VWA2: variants seen among roughly 807,000 people sequenced by gnomAD.
VWA2 encodes the protein von Willebrand factor A domain containing 2.
A neutral mutation model predicts 70.4 loss-of-function variants in VWA2; 73 were observed. The ratio of observed to expected loss-of-function variants is 1.04; its 90% CI spans 0.86 to 1.26. The LOEUF is 1.26. VWA2 is among the 50% of genes most tolerant of loss of function. The pLI, the probability that VWA2 is intolerant of heterozygous loss-of-function variation, is 0.00. For synonymous variants in VWA2, 407 were observed against 423.3 expected (o/e 0.96, Z 0.47); for missense variants, 1,011 against 998.5 (o/e 1.01, Z -0.17).
intron 5 of VWA2, among the ~76,000 whole-genome samples, chr10:114,264,759 G>T (rs1268528443): frequency 6.6e-6 from 1 of 151,154 alleles, no homozygotes; most frequent in Non-Finnish European, 1.5e-5. Flanking sequence ...TCATTCTGTC[G>T]CCCTGGCTGG....
At chr10:114,269,340 G>A (rs1380120649) in intron 5 of VWA2, among the ~76,000 whole-genome samples, 3 of 152,306 alleles carry the variant, frequency 2.0e-5, no homozygotes, top group Non-Finnish European at 2.9e-5. Context: ...CAGCGCTTTG[G>A]GAGGCCAGGG....
intron 9 of VWA2, among the ~76,000 whole-genome samples, chr10:114,283,411 G>A (rs1312296049): frequency 3.9e-5 from 6 of 152,030 alleles, no homozygotes; most frequent in East Asian, 3.9e-4. Context: ...GCAGGGTAGC[G>A]AGTGTCCCTA....
At chr10:114,246,505 C>CAAAAAAAAAAA (rs570510812) in intron 1 of VWA2, 29 of 384,944 alleles carry the variant, frequency 7.5e-5, no homozygotes, top group African/African-American at 1.9e-4. Context: ...AACTCCATCT[C>CAAAAAAAAAAA]AAAAAAAAAA....
chr10:114,291,296 A>G lies in VWA2; in HGVS notation c.*59A>G, dbSNP rs1204237732. 2 of 1,516,938 alleles carry G rather than the reference A, an allele frequency of 1.3e-6. No homozygotes were observed. Among genetic ancestry groups the G allele is most frequent in the Non-Finnish European group, 1.8e-6 (2 of 1,129,878 alleles). 94.0% of individuals were successfully genotyped at this position (1,516,938 alleles called of 1,614,324 possible). ...GTACCCCTCCCAGCAACTACAGAGA[A>G]GGCCTGGGCACTGAAATGGTGCCTA... is the stretch of plus-strand genomic sequence containing the variant. On this transcript the variant is annotated 3_prime_UTR_variant, in exon 14 of 14. Transcript: ENST00000392982.
At chr10:114,277,384 A>C (rs1475121708) in intron 6 of VWA2, among the ~76,000 whole-genome samples, 1 of 151,434 alleles carries the variant, frequency 6.6e-6, no homozygotes, top group African/African-American at 2.4e-5. Flanking sequence ...GGGTTTCATC[A>C]TGTTAGCTAG....
chr10:114,255,771 A>ATT (rs34578196), intron 4 of VWA2, among the ~76,000 whole-genome samples: 80 of 149,452 alleles, frequency 5.4e-4, no homozygotes, highest in African/African-American at 1.6e-3. Context: ...TAAAAGGGGC[A>ATT]TTTTTTTTTT....
intron 5 of VWA2, among the ~76,000 whole-genome samples, chr10:114,270,813 C>G (rs755172369): frequency 6.6e-6 from 1 of 152,192 alleles, no homozygotes; most frequent in East Asian, 1.9e-4. Context: ...TTCGGAGATT[C>G]ATCCATGTTG....
At position 114,289,236 on chromosome 10, in the gene VWA2, C is replaced by T. The variant is rs202219404; in HGVS notation, c.1869C>T (p.Thr623=). The T allele has an allele frequency of 9.7e-5, 157 of 1,613,950 alleles. No homozygotes were observed. The East Asian group carries it at 3.3e-3, about 33-fold the overall frequency. ...TGCACATCTATGACAAAGTGATGAC[C>T]GTCCAGAGGGGTGCCCGGCCTGGTG... ...ALLHIYDKVM[T]VQRGARPGVP... Residue 623 remains threonine (T), a synonymous_variant, in exon 12 of 14, where the codon ACC becomes ACT. Transcript: ENST00000392982.
chr10:114,251,420 A>G (rs1394902277), intron 2 of VWA2, among the ~76,000 whole-genome samples: 1 of 152,262 alleles, frequency 6.6e-6, no homozygotes, highest in Non-Finnish European at 1.5e-5. Context: ...GCTGAGTGAC[A>G]TCTTTAGTGA....
intron 2 of VWA2, 23 bp from the exon 3 acceptor site, chr10:114,253,628 G>A: frequency 6.2e-7 from 1 of 1,607,378 alleles, no homozygotes; most frequent in Non-Finnish European, 8.5e-7. Context: ...TTTAATGGCT[G>A]CTTCTGGTGT....
intron 9 of VWA2, among the ~76,000 whole-genome samples, chr10:114,283,749 G>A (rs1173535266): frequency 6.6e-6 from 1 of 152,244 alleles, no homozygotes; most frequent in African/African-American, 2.4e-5. Context: ...GCACATAATA[G>A]ATGCTCAGTT....
intron 1 of VWA2, chr10:114,246,709 C>G: frequency 1.3e-6 from 2 of 1,546,522 alleles, no homozygotes; most frequent in Non-Finnish European, 1.8e-6. Flanking sequence ...AACTAGCAAA[C>G]AGTCTTAGGA....
At chr10:114,280,060 C>T (rs374764431) in intron 8 of VWA2, among the ~76,000 whole-genome samples, 160 of 152,314 alleles carry the variant, frequency 1.1e-3, no homozygotes, top group African/African-American at 3.5e-3. Flanking sequence ...CACTAGGGAG[C>T]GGTGAACTTA....
At chr10:114,277,588 G>A (rs569851505) in intron 6 of VWA2, among the ~76,000 whole-genome samples, 116 of 152,302 alleles carry the variant, frequency 7.6e-4, no homozygotes, top group African/African-American at 2.6e-3. Context: ...CACAAACAGC[G>A]CTGCCCTATG....
At chr10:114,269,190 C>A (rs1251224585) in intron 5 of VWA2, among the ~76,000 whole-genome samples, 1 of 152,216 alleles carries the variant, frequency 6.6e-6, no homozygotes, top group South Asian at 2.1e-4. Context: ...ACCGTCAGGC[C>A]TGTGCAGTGG....
chr10:114,242,487 A>G (rs2036990221), intron 1 of VWA2, among the ~76,000 whole-genome samples: 1 of 152,050 alleles, frequency 6.6e-6, no homozygotes, highest in East Asian at 1.9e-4. Flanking sequence ...GCCTCTGCAT[A>G]CCGCAGTGCC....
At chr10:114,246,584 T>G in intron 1 of VWA2, 1 of 1,304,662 alleles carries the variant, frequency 7.7e-7, no homozygotes, top group Non-Finnish European at 1.1e-6. Flanking sequence ...CAGGACCTCA[T>G]TTTAAGACTG....
At chr10:114,246,528 A>AAAAAAAAAAAAAAAAAGT in intron 1 of VWA2, 1 of 735,250 alleles carries the variant, frequency 1.4e-6, no homozygotes, top group Non-Finnish European at 2.2e-6. Context: ...AAAAAAAACG[A>AAAAAAAAAAAAAAAAAGT]GTATCATGGG....
Position 114,286,412 on chromosome 10 carries a change from A to C in VWA2, c.1471A>C (p.Thr491Pro), listed in dbSNP as rs139326021. Residue 491 changes from threonine to proline, a missense_variant, in exon 11 of 14, where the codon ACA becomes CCA. Thr to Pro is a conservative substitution (Grantham distance 38). Transcript: ENST00000392982. ...EAVRAELEEI[T>P]GSPKHVMVYS... ...CGTGCGGGCAGAGCTGGAGGAGATC[A>C]CAGGCAGCCCAAAGCATGTGATGGT... 3.8e-5 allele frequency: 62 copies of C among 1,613,944 alleles called. No homozygotes were observed. Among genetic ancestry groups the C allele is most frequent in the Middle Eastern group, 1.6e-4 (1 of 6,062 alleles).
Sources: gnomAD v4.1 joint callset for allele counts (sites outside exome capture counted in the v4.1 genomes callset) on GRCh38, gnomAD v4.1.1 for gene constraint, MANE v1.5 for transcripts, NCBI Gene and HGNC (gene_info 2026-07-23, HGNC 2026-07-21) for gene names.